Variants in SLCO5A1 observed in about 807,000 individuals in gnomAD.
SLCO5A1 encodes organic anion transporter polypeptide-related protein 4.
Under a neutral mutation model 65.1 loss-of-function variants are expected in SLCO5A1, and 39 were observed. The observed-to-expected ratio is 0.60, with a 90% CI of 0.46 to 0.78. The LOEUF is 0.78. Among genes scored for constraint, SLCO5A1 ranks in the 30% least tolerant of loss-of-function variants. SLCO5A1 has a pLI of 0.00. For missense variants in SLCO5A1, 1,029 were observed against 1,069.4 expected (o/e 0.96, Z 0.53); for synonymous variants, 438 against 415.7 (o/e 1.05, Z -0.65).
Position 69,767,981 on chromosome 8 carries a change from C to G in SLCO5A1, c.908-6106G>C, listed in dbSNP as rs948089204. 2.0e-5 allele frequency among the ~76,000 whole-genome samples: 3 copies of G among 151,944 alleles called. No homozygotes were observed. The East Asian group carries it at 5.8e-4, about 29-fold the overall frequency. ...GCCTGTAATCCCCATGCCTGTAATC[C>G]CAGCACTTTGGGAGGCTGAGGCAGG... On this transcript the variant is annotated intron_variant, in intron 2 of 9. Coordinates refer to ENST00000260126, the MANE Select transcript of SLCO5A1 (RefSeq NM_030958.3).
chr8:69,815,456 GT>G (rs905579573), intron 2 of SLCO5A1, among the ~76,000 whole-genome samples: 1 of 151,946 alleles, frequency 6.6e-6, no homozygotes, highest in Admixed American at 6.6e-5. Flanking sequence ...GCTCTCATTT[GT>G]TTTTAAGAAA....
At chr8:69,773,001 A>C (rs1452289748) in intron 2 of SLCO5A1, 1 of 982,384 alleles carries the variant, frequency 1.0e-6, no homozygotes, top group Non-Finnish European at 1.2e-6. Flanking sequence ...ATACGTTATA[A>C]TTAGTTGGGG....
At chr8:69,726,313 A>G (rs1816072331) in intron 5 of SLCO5A1, among the ~76,000 whole-genome samples, 1 of 152,236 alleles carries the variant, frequency 6.6e-6, no homozygotes, top group Admixed American at 6.5e-5. Context: ...TGCAGAGTAA[A>G]TAAATCAGAG....
At chr8:69,718,448 A>G (rs1459878648) in intron 5 of SLCO5A1, among the ~76,000 whole-genome samples, 1 of 152,220 alleles carries the variant, frequency 6.6e-6, no homozygotes, top group African/African-American at 2.4e-5. Flanking sequence ...TAGCAAGAGC[A>G]GACATCCTTT....
At chr8:69,749,656 CTT>C (rs72160626) in intron 4 of SLCO5A1, among the ~76,000 whole-genome samples, 1,705 of 151,340 alleles carry the variant, frequency 0.011, 28 homozygotes, top group Middle Eastern at 0.038. Flanking sequence ...GAAATGACCT[CTT>C]TTTCTCATTC....
At chr8:69,812,461 A>G (rs1820245097) in intron 2 of SLCO5A1, among the ~76,000 whole-genome samples, 2 of 152,228 alleles carry the variant, frequency 1.3e-5, no homozygotes, top group Non-Finnish European at 2.9e-5. Flanking sequence ...TACCATTTCT[A>G]CAAAACTGGA....
At chr8:69,728,514 G>C (rs1179303957) in intron 5 of SLCO5A1, among the ~76,000 whole-genome samples, 1 of 152,032 alleles carries the variant, frequency 6.6e-6, no homozygotes, top group Non-Finnish European at 1.5e-5. Flanking sequence ...AAACAGAGAA[G>C]AATTACTTCA....
At chr8:69,826,244 C>T (rs1410990503) in intron 2 of SLCO5A1, among the ~76,000 whole-genome samples, 1 of 151,568 alleles carries the variant, frequency 6.6e-6, no homozygotes, top group Non-Finnish European at 1.5e-5. Flanking sequence ...TCTAAAACAC[C>T]AAAAGCAATG....
intron 6 of SLCO5A1, among the ~76,000 whole-genome samples, chr8:69,697,890 G>T (rs1814567576): frequency 6.6e-6 from 1 of 151,970 alleles, no homozygotes; most frequent in African/African-American, 2.4e-5. Flanking sequence ...TTAGGTTCAG[G>T]AGTACATGTG....
chr8:69,813,207 A>T (rs1195481942), intron 2 of SLCO5A1, among the ~76,000 whole-genome samples: 4 of 152,040 alleles, frequency 2.6e-5, no homozygotes, highest in Admixed American at 2.0e-4. Context: ...TAAAAAAAAA[A>T]GTATCTTAAA....
intron 2 of SLCO5A1, among the ~76,000 whole-genome samples, chr8:69,793,339 G>A (rs1819351788): frequency 6.6e-6 from 1 of 151,772 alleles, no homozygotes; most frequent in Non-Finnish European, 1.5e-5. Context: ...CTTAAGTTCA[G>A]TGCACACAAA....
At chr8:69,694,133 T>C (rs1554607460) in intron 6 of SLCO5A1, among the ~76,000 whole-genome samples, 1 of 152,206 alleles carries the variant, frequency 6.6e-6, no homozygotes, top group African/African-American at 2.4e-5. Context: ...GAAGGTTGTG[T>C]GTGCATGCAG....
chr8:69,669,999 T>C lies in SLCO5A1; in HGVS notation c.*2870A>G, dbSNP rs1375761392. The C allele has an allele frequency of 1.3e-5, 2 of 152,198 alleles. No homozygotes were observed. Among genetic ancestry groups the C allele is most frequent in the Non-Finnish European group, 2.9e-5 (2 of 68,034 alleles). 9.4% of individuals were successfully genotyped at this position (152,198 alleles called of 1,614,324 possible). A position where few individuals can be genotyped will look rare whatever the true frequency, so the allele number is the denominator to read the frequency against. On this transcript the variant is annotated 3_prime_UTR_variant, in exon 10 of 10. Coordinates refer to ENST00000260126, the MANE Select transcript of SLCO5A1 (RefSeq NM_030958.3). ...ACCTTGACTCTGAATTACTTTTGAA[T>C]ATTTTCAAGAATTAAATCCACCTAT... is the stretch of plus-strand genomic sequence containing the variant.
intron 5 of SLCO5A1, among the ~76,000 whole-genome samples, chr8:69,725,460 G>GATGTATGTATGTATGTACGT (rs1554613094): frequency 5.3e-5 from 8 of 150,360 alleles, no homozygotes; most frequent in African/African-American, 2.0e-4. Flanking sequence ...AAAGAATAAA[G>GATGTATGTATGTATGTACGT]ATGTATGTAT....
intron 2 of SLCO5A1, among the ~76,000 whole-genome samples, chr8:69,773,397 G>T (rs572792715): frequency 3.3e-5 from 5 of 152,134 alleles, no homozygotes; most frequent in Admixed American, 6.5e-5. Context: ...GAGTCCAGGC[G>T]CTCATCCTCG....
At chr8:69,800,346 C>CAGG (rs1047992905) in intron 2 of SLCO5A1, among the ~76,000 whole-genome samples, 2 of 149,792 alleles carry the variant, frequency 1.3e-5, no homozygotes, top group South Asian at 2.1e-4. Flanking sequence ...TTTGACCTCC[C>CAGG]AGGAGGAGGA....
chr8:69,834,755 C>CACACACACAG (rs1821349672), intron 1 of SLCO5A1, 99 bp downstream of exon 1: 1 of 151,594 alleles, frequency 6.6e-6, no homozygotes, highest in Admixed American at 6.6e-5. Context: ...CACACACACA[C>CACACACACAG]ACACACACAC....
intron 5 of SLCO5A1, among the ~76,000 whole-genome samples, chr8:69,733,321 C>G (rs1816417820): frequency 6.6e-6 from 1 of 152,144 alleles, no homozygotes; most frequent in African/African-American, 2.4e-5. Flanking sequence ...AGCTTCAAAA[C>G]AAATCACTAT....
intron 4 of SLCO5A1, among the ~76,000 whole-genome samples, chr8:69,752,208 G>A (rs936178730): frequency 2.6e-5 from 4 of 152,096 alleles, no homozygotes; most frequent in Non-Finnish European, 4.4e-5. Flanking sequence ...TCCAGCCTGG[G>A]TGACAGAGAG....
Sources: allele counts gnomAD v4.1 joint callset (sites outside exome capture counted in the v4.1 genomes callset), GRCh38; gene constraint gnomAD v4.1.1; transcripts MANE v1.5; gene names NCBI Gene and HGNC (gene_info 2026-07-23, HGNC 2026-07-21).